The following RARB variants were observed in gnomAD, a reference collection of about 807,000 sequenced individuals.
The protein encoded by RARB is retinoic acid receptor beta.
In RARB, 17 loss-of-function variants were observed where a neutral mutation model predicts 51.9. That is an observed-to-expected ratio of 0.33 (90% CI 0.22 to 0.49). RARB has a LOEUF of 0.49. Among genes scored for constraint, RARB ranks in the 20% least tolerant of loss-of-function variants. The pLI, the probability that RARB is intolerant of heterozygous loss-of-function variation, is 0.99. For synonymous variants in RARB, 215 were observed against 195.4 expected (o/e 1.10, Z -0.84); for missense variants, 369 against 550.8 (o/e 0.67, Z 3.30).
At chr3:25,331,059 C>A (rs1267646480) in intron 5 of RARB, among the ~76,000 whole-genome samples, 4 of 152,130 alleles carry the variant, frequency 2.6e-5, no homozygotes, top group African/African-American at 9.7e-5. Flanking sequence ...GACTTAGACC[C>A]CCACACAACA....
At chr3:25,549,039 A>G (rs1363312637) in intron 3 of RARB, among the ~76,000 whole-genome samples, 1 of 151,830 alleles carries the variant, frequency 6.6e-6, no homozygotes, top group East Asian at 1.9e-4. Flanking sequence ...TCATGTCCAA[A>G]TCTAGGTTAG....
chr3:25,500,474 T>TTGG (rs1697256273), intron 2 of RARB, among the ~76,000 whole-genome samples: 1 of 125,890 alleles, frequency 7.9e-6, no homozygotes, highest in Non-Finnish European at 1.6e-5. Flanking sequence ...TTTTTTTTTT[T>TTGG]TTTTTTTGGT....
At chr3:25,453,380 T>C (rs1019988916) in intron 1 of RARB, among the ~76,000 whole-genome samples, 3 of 151,496 alleles carry the variant, frequency 2.0e-5, no homozygotes, top group Non-Finnish European at 2.9e-5. Flanking sequence ...CCCGAGTAGC[T>C]GGGATTACAG....
At chr3:25,406,112 G>C (rs6783726) in intron 5 of RARB, among the ~76,000 whole-genome samples, 1 of 151,808 alleles carries the variant, frequency 6.6e-6, no homozygotes, top group Non-Finnish European at 1.5e-5. Flanking sequence ...CTCCATTCCC[G>C]TGACTCTGAC....
chr3:24,987,538 C>T (rs956080703), intron 2 of RARB, among the ~76,000 whole-genome samples: 17 of 152,224 alleles, frequency 1.1e-4, no homozygotes, highest in African/African-American at 4.1e-4. Context: ...ATATTATTCA[C>T]TTGCCTTGGG....
At chr3:25,561,137 AG>A (rs1353497904) in intron 3 of RARB, among the ~76,000 whole-genome samples, 1 of 152,150 alleles carries the variant, frequency 6.6e-6, no homozygotes, top group Non-Finnish European at 1.5e-5. Context: ...ATTTTATCCC[AG>A]GGTCCTTCCA....
At chr3:25,052,757 C>G (rs985428225) in intron 2 of RARB, among the ~76,000 whole-genome samples, 1 of 152,110 alleles carries the variant, frequency 6.6e-6, no homozygotes, top group Non-Finnish European at 1.5e-5. Flanking sequence ...CTAAAGCATT[C>G]TTCCCTTACA....
intron 2 of RARB, among the ~76,000 whole-genome samples, chr3:24,966,233 C>T (rs1696251497): frequency 6.6e-6 from 1 of 151,482 alleles, no homozygotes; most frequent in South Asian, 2.1e-4. Context: ...ATTTGGGAAA[C>T]TAGAAGGAGG....
At chr3:25,074,397 A>G (rs187306570) in intron 3 of RARB, among the ~76,000 whole-genome samples, 5 of 152,306 alleles carry the variant, frequency 3.3e-5, no homozygotes, top group African/African-American at 7.2e-5. Flanking sequence ...GCTACTGACT[A>G]TTAAGAATCC....
At chr3:25,336,515 C>T (rs540863946) in intron 5 of RARB, among the ~76,000 whole-genome samples, 10 of 152,214 alleles carry the variant, frequency 6.6e-5, no homozygotes, top group African/African-American at 1.7e-4. Flanking sequence ...AAAAATCAAA[C>T]GTTAGACTTC....
chr3:24,853,474 C>T (rs1038434321), intron 1 of RARB, among the ~76,000 whole-genome samples: 1 of 152,120 alleles, frequency 6.6e-6, no homozygotes, highest in Admixed American at 6.5e-5. Flanking sequence ...AATGCTTCAG[C>T]TTTTTCAGTT....
intron 2 of RARB, among the ~76,000 whole-genome samples, chr3:24,911,829 G>C (rs1340743512): frequency 6.6e-6 from 1 of 152,144 alleles, no homozygotes; most frequent in East Asian, 1.9e-4. Flanking sequence ...GTATTTGTGG[G>C]AGTGTGTTTT....
At chr3:25,213,118 A>T (rs1304172350) in intron 5 of RARB, among the ~76,000 whole-genome samples, 1 of 152,148 alleles carries the variant, frequency 6.6e-6, no homozygotes. Context: ...AAGATACTAT[A>T]TATATAGTAA....
intron 5 of RARB, among the ~76,000 whole-genome samples, chr3:25,389,251 G>C (rs1036639701): frequency 6.6e-6 from 1 of 152,096 alleles, no homozygotes; most frequent in Non-Finnish European, 1.5e-5. Flanking sequence ...CCTTTTTTTA[G>C]ATGGTAATCA....
chr3:25,249,767 G>C (rs1272454819), intron 5 of RARB, among the ~76,000 whole-genome samples: 2 of 150,646 alleles, frequency 1.3e-5, no homozygotes, highest in East Asian at 3.9e-4. Context: ...ATGGTTGTTA[G>C]TGGAGGCTGT....
chr3:25,397,374 C>G (rs556364551), intron 5 of RARB, among the ~76,000 whole-genome samples: 1 of 152,150 alleles, frequency 6.6e-6, no homozygotes, highest in Admixed American at 6.5e-5. Context: ...TTTGGGCACT[C>G]AGAGTTTTTC....
At chr3:25,237,595 A>T (rs1191624334) in intron 5 of RARB, among the ~76,000 whole-genome samples, 2 of 152,166 alleles carry the variant, frequency 1.3e-5, no homozygotes, top group Non-Finnish European at 2.9e-5. Flanking sequence ...AGATTTAGTT[A>T]TATATTATAA....
In RARB at chr3:25,594,541, C is replaced by G. The variant is rs1161761506; in HGVS notation, c.1013C>G (p.Pro338Arg). 3 of 1,609,292 alleles carry G rather than the reference C, an allele frequency of 1.9e-6. No individual in the cohort carries two copies. Among genetic ancestry groups the G allele is most frequent in the Non-Finnish European group, 2.5e-6 (3 of 1,178,310 alleles). The change falls in exon 7 of 8, where the codon CCG (proline) becomes CGG (arginine). Residue 338 changes from proline to arginine, a missense_variant. By Grantham distance (103) the Pro-to-Arg change is moderately radical. Around this residue, in one of 9 missense-constraint regions of RARB, gnomAD observed 76 missense variants for 153.3 expected, o/e 0.50. Coordinates refer to ENST00000330688, the MANE Select transcript of RARB (RefSeq NM_000965.5). ...ICGDRQDLEE[P>R]TKVDKLQEPL... ...CCAGACCGCCAGGACCTTGAGGAAC[C>G]GACAAAAGTAGATAAGCTACAAGAA... is the stretch of plus-strand genomic sequence containing the variant.
intron 5 of RARB, among the ~76,000 whole-genome samples, chr3:25,351,321 A>G (rs1028773228): frequency 1.3e-5 from 2 of 150,450 alleles, no homozygotes; most frequent in African/African-American, 2.4e-5. Context: ...CTTTTTTTCT[A>G]TAGCATCCCT....
Sources: allele counts gnomAD v4.1 joint callset (sites outside exome capture counted in the v4.1 genomes callset), GRCh38; gene constraint gnomAD v4.1.1; regional missense constraint gnomAD v4.1.1; transcripts MANE v1.5; gene names NCBI Gene and HGNC (gene_info 2026-07-23, HGNC 2026-07-21).